SLC9A1: variants seen among roughly 807,000 people sequenced by gnomAD.
The protein encoded by SLC9A1 is sodium/hydrogen exchanger 1.
A neutral mutation model predicts 67.9 loss-of-function variants in SLC9A1; 22 were observed. The observed-to-expected ratio is 0.32, with a 90% CI of 0.23 to 0.46. The LOEUF (loss-of-function observed/expected upper bound fraction) is 0.46, where lower values mean the gene tolerates loss of function less well. Among genes scored for constraint, SLC9A1 ranks in the 20% least tolerant of loss-of-function variants. The pLI is 1.00. For synonymous variants in SLC9A1, 421 were observed against 471.8 expected (o/e 0.89, Z 1.40); for missense variants, 686 against 1,094.8 (o/e 0.63, Z 5.27).
At chr1:27,117,159 A>G (rs1455437065) in intron 1 of SLC9A1, among the ~76,000 whole-genome samples, 1 of 152,024 alleles carries the variant, frequency 6.6e-6, no homozygotes. Flanking sequence ...CAATGGCATC[A>G]GACCCCAAAG....
Position 27,109,766 on chromosome 1 carries a change from G to A in SLC9A1, c.825C>T (p.His275=). ...CGTAGTTGGCAAACTCCTCAAAGAG[G>A]TGATACAGGACCTGGGGAGGGTGTG... ...LNDAVTVVLY[H]LFEEFANYEH... is the part of the protein sequence containing the mutation. Residue 275 remains histidine, a synonymous_variant, in exon 3 of 12, where the codon CAC becomes CAT. Coordinates refer to ENST00000263980, the MANE Select transcript of SLC9A1 (RefSeq NM_003047.5). This position sits in a 1 kb window ranked among gnomAD's most constrained non-coding sequence, Gnocchi z 5.5. 6.2e-7 allele frequency: 1 copy of A among 1,614,012 alleles called. No individual in the cohort carries two copies. Among genetic ancestry groups the A allele is most frequent in the Non-Finnish European group, 8.5e-7 (1 of 1,180,034 alleles).
At chr1:27,145,700 CAGTT>C (rs1370881219) in intron 1 of SLC9A1, among the ~76,000 whole-genome samples, 2 of 152,166 alleles carry the variant, frequency 1.3e-5, no homozygotes, top group Admixed American at 6.5e-5. Context: ...TCCTGAATCT[CAGTT>C]AGAACTGCTT....
intron 1 of SLC9A1, among the ~76,000 whole-genome samples, chr1:27,123,596 C>T (rs928786372): frequency 2.6e-5 from 4 of 151,772 alleles, no homozygotes; most frequent in African/African-American, 4.8e-5. Flanking sequence ...CTGCAACCTC[C>T]GCCTCCTGGG....
rs1163926207 is a variant in SLC9A1, at chr1:27,118,383, TC to T, written c.353-4098del. Among the ~76,000 whole-genome samples the T allele has an allele frequency of 2.0e-5, 3 of 152,130 alleles. No individual in the cohort carries two copies. In the South Asian group the frequency reaches 6.2e-4, roughly 32 times the overall value. ...ATTCTGTCATCAAGAGGAGGCTCCT[TC>T]AGGAGCAACGGCTCAGGGAAGTGGG... On this transcript the variant is annotated intron_variant, in intron 1 of 11. Transcript: ENST00000263980. The surrounding 1 kb of genome is among the most constrained non-coding windows in gnomAD (Gnocchi z 4.3).
rs1251390867 is a variant in SLC9A1, at chr1:27,100,238, A to T, written c.*69T>A. On this transcript the variant is annotated 3_prime_UTR_variant, in exon 12 of 12. Coordinates refer to ENST00000263980, the MANE Select transcript of SLC9A1 (RefSeq NM_003047.5). The surrounding 1 kb of genome is among the most constrained non-coding windows in gnomAD (Gnocchi z 5.6). ...AATCCGGGTCAGGAAGGGCAAGGGG[A>T]GCCCCCAGCAGCCCCTGCTCTGGTG... The T allele has an allele frequency of 8.3e-7, 1 of 1,198,144 alleles. No individual in the cohort carries two copies. The highest frequency in any genetic ancestry group is 1.1e-6 in the Non-Finnish European group (1 of 875,158). 74.2% of individuals were successfully genotyped at this position (1,198,144 alleles called of 1,614,324 possible).
intron 1 of SLC9A1, among the ~76,000 whole-genome samples, chr1:27,149,831 C>A (rs534172502): frequency 1.3e-5 from 2 of 152,198 alleles, no homozygotes; most frequent in African/African-American, 4.8e-5. Flanking sequence ...CAGGGCTGGA[C>A]GCCATGGGGC....
Position 27,152,641 on chromosome 1 carries a change from G to T in SLC9A1, c.352+1342C>A, listed in dbSNP as rs185472061. Among the ~76,000 whole-genome samples the T allele has an allele frequency of 2.0e-5, 3 of 152,290 alleles. No individual in the cohort carries two copies. The East Asian group carries it at 5.8e-4, about 29-fold the overall frequency. ...CCAGTCCTTGATTTCTCTCCAGGAAGCTAACTGCCATCAAGGTATAGGTGC... is the reference window on the plus strand; with the variant it reads ...CCAGTCCTTGATTTCTCTCCAGGAATCTAACTGCCATCAAGGTATAGGTGC... On this transcript the variant is annotated intron_variant, in intron 1 of 11. Coordinates refer to ENST00000263980, the MANE Select transcript of SLC9A1 (RefSeq NM_003047.5).
At chr1:27,136,984 T>C (rs1381155114) in intron 1 of SLC9A1, among the ~76,000 whole-genome samples, 2 of 152,228 alleles carry the variant, frequency 1.3e-5, no homozygotes, top group Non-Finnish European at 2.9e-5. Flanking sequence ...CTAACTTAGG[T>C]TTGGGCCTCG....
intron 1 of SLC9A1, among the ~76,000 whole-genome samples, chr1:27,135,057 A>G (rs987045012): frequency 1.4e-5 from 2 of 147,362 alleles, no homozygotes; most frequent in African/African-American, 5.1e-5. Context: ...TTTTATGCCA[A>G]ATTTTTTTTT....
chr1:27,128,957 T>TAAAC (rs370209200), intron 1 of SLC9A1, among the ~76,000 whole-genome samples: 58 of 152,124 alleles, frequency 3.8e-4, no homozygotes, highest in East Asian at 1.4e-3. Flanking sequence ...GGAAACTCCA[T>TAAAC]AAACAAACAA....
Position 27,106,017 on chromosome 1 carries a change from G to A in SLC9A1, c.1353C>T (p.Ile451=), listed in dbSNP as rs1334434379. ...CCCCTCGCAGGCCCCCATAGGCGAT[G>A]ATGAACTGGTCCTTGGGGGTCAGCT... The part of the protein sequence containing the change: ...IVKLTPKDQF[I]IAYGGLRGAI... The change falls in exon 5 of 12, where the codon ATC becomes ATT. Residue 451 remains isoleucine, a synonymous_variant. Coordinates refer to ENST00000263980, the MANE Select transcript of SLC9A1 (RefSeq NM_003047.5). The surrounding 1 kb of genome is among the most constrained non-coding windows in gnomAD (Gnocchi z 4.3). The A allele has an allele frequency of 1.9e-6, 3 of 1,613,610 alleles. No individual in the cohort carries two copies. The highest frequency in any genetic ancestry group is 2.5e-6 in the Non-Finnish European group (3 of 1,179,936).
Position 27,106,649 on chromosome 1 carries a change from G to C in SLC9A1, c.1283-562C>G, listed in dbSNP as rs1366045268. 6.6e-6 allele frequency among the ~76,000 whole-genome samples: 1 copy of C among 152,094 alleles called. No individual in the cohort carries two copies. Among genetic ancestry groups the C allele is most frequent in the Admixed American group, 6.5e-5 (1 of 15,278 alleles). ...GAGGAAGTGAGAGATCCAGGGAGGA[G>C]GCGACTGAGGCACTGGGGTGAGGCA... is the stretch of plus-strand genomic sequence containing the variant. On this transcript the variant is annotated intron_variant, in intron 4 of 11. Coordinates refer to ENST00000263980, the MANE Select transcript of SLC9A1 (RefSeq NM_003047.5). The surrounding 1 kb of genome is among the most constrained non-coding windows in gnomAD (Gnocchi z 4.3).
Position 27,100,477 on chromosome 1 carries a change from C to T in SLC9A1, c.2278G>A (p.Gly760Arg), listed in dbSNP as rs2083133746. ...TCCTTGCTCCGCATCATGATGCCCC[C>T]ATCGTCGTCCTCGTCCTCCTCAGCC... ...KVAEEDEDDD[G>R]GIMMRSKETS... is the part of the protein sequence containing the mutation. Residue 760 changes from glycine to arginine, a missense_variant, in exon 12 of 12, where the codon GGG (glycine) becomes AGG (arginine). Gly to Arg is a moderately radical substitution (Grantham distance 125). This residue lies in a region of SLC9A1 where 226 missense variants were observed against 282.4 expected (regional missense o/e 0.80). Transcript: ENST00000263980. This position sits in a 1 kb window ranked among gnomAD's most constrained non-coding sequence, Gnocchi z 5.6. The T allele has an allele frequency of 6.2e-7, 1 of 1,613,988 alleles. No individual in the cohort carries two copies. The highest frequency in any genetic ancestry group is 8.5e-7 in the Non-Finnish European group (1 of 1,179,976).
At chr1:27,107,606 C>T in intron 4 of SLC9A1, 42 bp downstream of exon 4, 1 of 1,454,860 alleles carries the variant, frequency 6.9e-7, no homozygotes, top group Non-Finnish European at 9.3e-7. Flanking sequence ...CCACACACAC[C>T]CCACACCACA....
intron 7 of SLC9A1, 23 bp from the exon 8 acceptor site, chr1:27,102,581 G>T (rs377584403): frequency 6.2e-7 from 1 of 1,608,812 alleles, no homozygotes; most frequent in Non-Finnish European, 8.5e-7. Flanking sequence ...GGAGGGAGAC[G>T]GATGGCGCCA....
chr1:27,138,034 C>A lies in SLC9A1; in HGVS notation c.352+15949G>T, dbSNP rs555842931. Among the ~76,000 whole-genome samples, 166 of 152,324 alleles carry A rather than the reference C, an allele frequency of 1.1e-3. 1 individual carries two copies. Among genetic ancestry groups the A allele is most frequent in the African/African-American group, 3.8e-3 (159 of 41,576 alleles). On this transcript the variant is annotated intron_variant, in intron 1 of 11. Transcript: ENST00000263980. ...AGGCAGGACACTGAGTGGGGCCAGC[C>A]CAGGGCCTGAGCCGACTCTATCGCA...
At position 27,142,909 on chromosome 1, in the gene SLC9A1, C is replaced by A. The variant is rs192579115; in HGVS notation, c.352+11074G>T. Among the ~76,000 whole-genome samples, 166 of 152,192 alleles carry A rather than the reference C, an allele frequency of 1.1e-3. 1 individual carries two copies. Among genetic ancestry groups the A allele is most frequent in the African/African-American group, 3.8e-3 (159 of 41,512 alleles). ...TCCCACAGGCAAACCCCACTCATCC[C>A]AGAATTAAGTACCACCTCCTCCAAG... On this transcript the variant is annotated intron_variant, in intron 1 of 11. Transcript: ENST00000263980.
chr1:27,146,895 G>C (rs767540835), intron 1 of SLC9A1, among the ~76,000 whole-genome samples: 6 of 152,200 alleles, frequency 3.9e-5, no homozygotes, highest in Admixed American at 6.6e-5. Flanking sequence ...CAGCACTTTG[G>C]GGGGCCGGGA....
chr1:27,114,357 G>A lies in SLC9A1; in HGVS notation c.353-71C>T, dbSNP rs1490201286. 2 of 1,319,550 alleles carry A rather than the reference G, an allele frequency of 1.5e-6. No homozygotes were observed. Among genetic ancestry groups the A allele is most frequent in the African/African-American group, 2.9e-5 (2 of 68,326 alleles). The allele number at this position is 1,319,550 out of a possible 1,614,324, so 81.7% of individuals were successfully genotyped here. ...CAGGAGAATAGAAGGTTGGGGATGG[G>A]CCGGGGATGAGGAGCGCAGTTGGTG... On this transcript the variant is annotated intron_variant, in intron 1 of 11. Transcript: ENST00000263980. The surrounding 1 kb of genome is among the most constrained non-coding windows in gnomAD (Gnocchi z 5.4).
Sources: allele counts gnomAD v4.1 joint callset (sites outside exome capture counted in the v4.1 genomes callset), GRCh38; gene constraint gnomAD v4.1.1; regional missense constraint gnomAD v4.1.1; non-coding constraint Gnocchi (gnomAD v3.1); transcripts MANE v1.5; gene names NCBI Gene and HGNC (gene_info 2026-07-23, HGNC 2026-07-21).